Variants in BMF observed in about 807,000 individuals in gnomAD.
BMF encodes the protein bcl-2-modifying factor.
In BMF, 10 loss-of-function variants were observed where a neutral mutation model predicts 22.0. The observed-to-expected ratio is 0.45, with a 90% CI of 0.28 to 0.77. The LOEUF (loss-of-function observed/expected upper bound fraction) is 0.77, where lower values mean the gene tolerates loss of function less well. Among genes scored for constraint, BMF ranks in the 30% least tolerant of loss-of-function variants. The probability of loss-of-function intolerance (pLI) is 0.13; values close to 1 mark genes in which losing one functional copy is unlikely to be tolerated. For missense variants in BMF, 206 were observed against 226.8 expected, an observed-to-expected ratio of 0.91 and a Z score of 0.59; for synonymous variants, 87 against 88.1, an observed-to-expected ratio of 0.99 and a Z score of 0.07.
intron 4 of BMF, among the ~76,000 whole-genome samples, chr15:40,100,881 G>A (rs979617571): frequency 6.6e-6 from 1 of 152,156 alleles, no homozygotes; most frequent in Non-Finnish European, 1.5e-5. Flanking sequence ...ACTCAGGTCT[G>A]TAACCAGGGA....
chr15:40,092,906 C>T (rs2036273128), intron 4 of BMF, among the ~76,000 whole-genome samples: 1 of 152,180 alleles, frequency 6.6e-6, no homozygotes, highest in South Asian at 2.1e-4. Flanking sequence ...GGAATAAAAA[C>T]CTAGTGTGCA....
chr15:40,093,134 T>C (rs957703620), intron 4 of BMF, among the ~76,000 whole-genome samples: 2 of 152,188 alleles, frequency 1.3e-5, no homozygotes, highest in African/African-American at 4.8e-5. Context: ...GCTTCCAGGT[T>C]CTGTCCAGCC....
chr15:40,100,046 T>G (rs1347458140), intron 4 of BMF, among the ~76,000 whole-genome samples: 1 of 152,204 alleles, frequency 6.6e-6, no homozygotes, highest in Non-Finnish European at 1.5e-5. Context: ...AAAAAGCCAT[T>G]TCCAACATGA....
At chr15:40,105,479 G>A (rs373744854) in intron 3 of BMF, among the ~76,000 whole-genome samples, 7 of 152,176 alleles carry the variant, frequency 4.6e-5, no homozygotes, top group African/African-American at 1.4e-4. Flanking sequence ...CTTCTCCAGG[G>A]CAACAGGAGC....
chr15:40,095,799 T>C (rs765041870), intron 4 of BMF, among the ~76,000 whole-genome samples: 11 of 152,076 alleles, frequency 7.2e-5, no homozygotes, highest in Non-Finnish European at 1.6e-4. Flanking sequence ...TTCTCTTCAA[T>C]GAAGAGAGCA....
chr15:40,096,453 T>G (rs2036363636), intron 4 of BMF, among the ~76,000 whole-genome samples: 1 of 152,092 alleles, frequency 6.6e-6, no homozygotes, highest in Non-Finnish European at 1.5e-5. Flanking sequence ...AGAACCTAAC[T>G]CACAAAATGC....
chr15:40,104,003 G>C (rs1202056324), intron 4 of BMF, among the ~76,000 whole-genome samples, 177 bp downstream of exon 4: 2 of 152,180 alleles, frequency 1.3e-5, no homozygotes, highest in Admixed American at 1.3e-4. Context: ...CAGAGATGAG[G>C]GCAAGATGCT....
intron 4 of BMF, among the ~76,000 whole-genome samples, chr15:40,096,622 G>T (rs2036367354): frequency 6.6e-6 from 1 of 152,166 alleles, no homozygotes; most frequent in South Asian, 2.1e-4. Context: ...CAAGTTAGTT[G>T]GGAGGGGTGT....
chr15:40,106,956 CT>C lies in BMF; in HGVS notation c.-5-866del, dbSNP rs1223385993. ...GCTCCTGCCAGCTCTGAACCTGAGA[CT>C]GGTACAACTGGTCTTACAGAAGGAA... is the stretch of plus-strand genomic sequence containing the variant. On this transcript the variant is annotated intron_variant, in intron 2 of 4. Transcript: ENST00000354670. The surrounding 1 kb of genome is among the most constrained non-coding windows in gnomAD (Gnocchi z 4.1). Among the ~76,000 whole-genome samples, 1 of 152,232 alleles carries C rather than the reference CT, an allele frequency of 6.6e-6. No individual in the cohort carries two copies. The highest frequency in any genetic ancestry group is 1.5e-5 in the Non-Finnish European group (1 of 68,048).
intron 4 of BMF, 58 bp downstream of exon 4, chr15:40,104,122 G>A (rs774594461): frequency 8.1e-6 from 13 of 1,598,742 alleles, no homozygotes; most frequent in South Asian, 1.1e-5. Flanking sequence ...AGAGAGGCAG[G>A]CCCTGGCCCC....
intron 4 of BMF, among the ~76,000 whole-genome samples, chr15:40,101,528 C>A (rs934752801): frequency 2.0e-5 from 3 of 151,896 alleles, no homozygotes; most frequent in Non-Finnish European, 4.4e-5. Context: ...TCTCTGCCTG[C>A]AAAAATGAGG....
At chr15:40,102,321 C>A (rs1471353602) in intron 4 of BMF, among the ~76,000 whole-genome samples, 1 of 147,722 alleles carries the variant, frequency 6.8e-6, no homozygotes, top group Non-Finnish European at 1.5e-5. Flanking sequence ...CCCAGCTACT[C>A]GGGAGGCTGA....
At chr15:40,100,575 C>T (rs1327608135) in intron 4 of BMF, among the ~76,000 whole-genome samples, 6 of 152,216 alleles carry the variant, frequency 3.9e-5, no homozygotes, top group Admixed American at 6.5e-5. Context: ...AGAGCTGAGG[C>T]GGAGCACCCT....
intron 4 of BMF, among the ~76,000 whole-genome samples, chr15:40,103,020 T>A (rs2036510677): frequency 6.6e-6 from 1 of 152,144 alleles, no homozygotes; most frequent in African/African-American, 2.4e-5. Flanking sequence ...GCACTAACCA[T>A]ATGTAACCCG....
chr15:40,103,166 A>G (rs1371160103), intron 4 of BMF, among the ~76,000 whole-genome samples: 6 of 152,240 alleles, frequency 3.9e-5, no homozygotes, highest in African/African-American at 1.4e-4. Context: ...GAGTCTGCCC[A>G]GTCATGGTCA....
intron 4 of BMF, among the ~76,000 whole-genome samples, chr15:40,092,937 G>A (rs1318178711): frequency 6.6e-6 from 1 of 152,214 alleles, no homozygotes; most frequent in Non-Finnish European, 1.5e-5. Context: ...AGCACGGGCT[G>A]GACTTGGATT....
chr15:40,106,280 C>G lies in BMF; in HGVS notation c.-5-189G>C. On this transcript the variant is annotated intron_variant, in intron 2 of 4. Coordinates refer to ENST00000354670, the MANE Select transcript of BMF (RefSeq NM_001003940.2). The surrounding 1 kb of genome is among the most constrained non-coding windows in gnomAD (Gnocchi z 4.1). ...CATTCACTCCCCAAATGTGGACTGCCTGAATGTTCAGGGGCTCTCCACACC... is the reference window on the plus strand; with the variant it reads ...CATTCACTCCCCAAATGTGGACTGCGTGAATGTTCAGGGGCTCTCCACACC... The G allele has an allele frequency of 1.6e-6, 1 of 635,038 alleles. No homozygotes were observed. The highest frequency in any genetic ancestry group is 2.5e-6 in the Non-Finnish European group (1 of 397,248). 39.3% of individuals were successfully genotyped at this position (635,038 alleles called of 1,614,324 possible).
chr15:40,106,901 G>A lies in BMF; in HGVS notation c.-5-810C>T, dbSNP rs1432350076. On this transcript the variant is annotated intron_variant, in intron 2 of 4. Transcript: ENST00000354670. This position sits in a 1 kb window ranked among gnomAD's most constrained non-coding sequence, Gnocchi z 4.1. ...ACTAAGTCTCCTCACTAGTCTCCACGACTTCAAATCCCTGATTCCACAGCC... is the reference window on the plus strand; with the variant it reads ...ACTAAGTCTCCTCACTAGTCTCCACAACTTCAAATCCCTGATTCCACAGCC... 6.6e-6 allele frequency among the ~76,000 whole-genome samples: 1 copy of A among 152,150 alleles called. No individual in the cohort carries two copies. The highest frequency in any genetic ancestry group is 1.5e-5 in the Non-Finnish European group (1 of 68,026).
chr15:40,088,275 C>A lies in BMF; in HGVS notation c.*3512G>T, dbSNP rs1313579897. ...GGGCACCTATGAGCTCAGCTTTTTC[C>A]GCTATCCCCTCAAGACTCAAAAGTC... On this transcript the variant is annotated 3_prime_UTR_variant, in exon 5 of 5. Transcript: ENST00000354670. 1 of 152,320 alleles carries A rather than the reference C, an allele frequency of 6.6e-6. No homozygotes were observed. The highest frequency in any genetic ancestry group is 2.4e-5 in the African/African-American group (1 of 41,430). 9.4% of individuals were successfully genotyped at this position (152,320 alleles called of 1,614,324 possible).
Sources: gnomAD v4.1 joint callset for allele counts (sites outside exome capture counted in the v4.1 genomes callset) on GRCh38, gnomAD v4.1.1 for gene constraint, Gnocchi (gnomAD v3.1) non-coding constraint, MANE v1.5 for transcripts, NCBI Gene and HGNC (gene_info 2026-07-23, HGNC 2026-07-21) for gene names.